The following SNTG1 variants were observed in gnomAD, a reference collection of about 807,000 sequenced individuals.
SNTG1 encodes syntrophin gamma 1, also known as gamma-1-syntrophin.
Under a neutral mutation model 74.7 loss-of-function variants are expected in SNTG1, and 39 were observed. That is an observed-to-expected ratio of 0.52 (90% CI 0.40 to 0.68). SNTG1 has a LOEUF of 0.68. SNTG1 is among the 30% of genes least tolerant of loss of function. The pLI is 0.00. For synonymous variants in SNTG1, 254 were observed against 217.1 expected (o/e 1.17, Z -1.49); for missense variants, 685 against 609.5 (o/e 1.12, Z -1.30).
chr8:50,038,284 TGTG>T (rs2130798575), intron 1 of SNTG1, among the ~76,000 whole-genome samples: 1 of 152,218 alleles, frequency 6.6e-6, no homozygotes, highest in South Asian at 2.1e-4. Flanking sequence ...TAATCGTAGA[TGTG>T]TACTGCAGAA....
chr8:50,356,949 G>C (rs1416458780), intron 2 of SNTG1, among the ~76,000 whole-genome samples: 1 of 152,200 alleles, frequency 6.6e-6, no homozygotes, highest in Non-Finnish European at 1.5e-5. Context: ...TCAATGAGCT[G>C]GACATGGGTT....
chr8:50,348,770 C>T (rs938123590), intron 2 of SNTG1, among the ~76,000 whole-genome samples: 1 of 152,162 alleles, frequency 6.6e-6, no homozygotes, highest in Non-Finnish European at 1.5e-5. Flanking sequence ...TGATTTTTCC[C>T]CTTCTAGGGA....
At chr8:50,465,742 G>C (rs551582166) in intron 8 of SNTG1, among the ~76,000 whole-genome samples, 1 of 152,080 alleles carries the variant, frequency 6.6e-6, no homozygotes, top group Non-Finnish European at 1.5e-5. Context: ...TTAGCAAGGT[G>C]CATTTAAGAT....
At chr8:50,032,374 A>G (rs775264586) in intron 1 of SNTG1, among the ~76,000 whole-genome samples, 23 of 151,572 alleles carry the variant, frequency 1.5e-4, no homozygotes, top group Non-Finnish European at 2.5e-4. Flanking sequence ...GAGATGGCAG[A>G]TTAGATTTTT....
chr8:50,650,210 A>T (rs533370486), intron 13 of SNTG1, among the ~76,000 whole-genome samples: 1 of 152,236 alleles, frequency 6.6e-6, no homozygotes, highest in African/African-American at 2.4e-5. Flanking sequence ...TCATGAATAC[A>T]TGTTGAATTT....
At chr8:50,004,058 C>T (rs770842716) in intron 1 of SNTG1, among the ~76,000 whole-genome samples, 25 of 152,024 alleles carry the variant, frequency 1.6e-4, no homozygotes, top group Non-Finnish European at 3.1e-4. Context: ...CATGTATATA[C>T]GGGGATCAGG....
At chr8:50,472,016 G>GA (rs1283806096) in intron 8 of SNTG1, among the ~76,000 whole-genome samples, 4 of 151,964 alleles carry the variant, frequency 2.6e-5, no homozygotes, top group Non-Finnish European at 5.9e-5. Context: ...TTTTTACATA[G>GA]AAAACTCAAA....
intron 1 of SNTG1, among the ~76,000 whole-genome samples, chr8:49,932,015 G>T (rs1807637960): frequency 2.6e-5 from 4 of 152,132 alleles, no homozygotes; most frequent in Admixed American, 2.0e-4. Flanking sequence ...TTTATGCATT[G>T]TGTGTGCTTA....
intron 13 of SNTG1, among the ~76,000 whole-genome samples, chr8:50,604,193 C>G (rs577600101): frequency 6.6e-6 from 1 of 152,216 alleles, no homozygotes; most frequent in Non-Finnish European, 1.5e-5. Flanking sequence ...CTGAGGCAGG[C>G]AGATCACTTT....
chr8:50,413,823 T>C (rs2092981219), intron 4 of SNTG1, among the ~76,000 whole-genome samples: 1 of 152,174 alleles, frequency 6.6e-6, no homozygotes, highest in Non-Finnish European at 1.5e-5. Flanking sequence ...TCACTATCTC[T>C]CTCTTTGGTT....
intron 18 of SNTG1, among the ~76,000 whole-genome samples, chr8:50,792,308 T>G (rs546183515): frequency 3.9e-5 from 6 of 152,014 alleles, no homozygotes; most frequent in African/African-American, 1.2e-4. Context: ...ATATTTATCA[T>G]CTGATGTGTG....
At chr8:50,215,972 T>G (rs1266541531) in intron 2 of SNTG1, among the ~76,000 whole-genome samples, 1 of 152,176 alleles carries the variant, frequency 6.6e-6, no homozygotes, top group Non-Finnish European at 1.5e-5. Context: ...TATCAAGATT[T>G]ATTGTAAAAT....
At chr8:50,340,678 G>C (rs2091290328) in intron 2 of SNTG1, among the ~76,000 whole-genome samples, 1 of 151,786 alleles carries the variant, frequency 6.6e-6, no homozygotes, top group African/African-American at 2.4e-5. Context: ...ATGAGTTTAT[G>C]GATACAATAC....
At chr8:50,322,577 T>C (rs1016719309) in intron 2 of SNTG1, among the ~76,000 whole-genome samples, 6 of 152,200 alleles carry the variant, frequency 3.9e-5, no homozygotes, top group African/African-American at 1.2e-4. Flanking sequence ...TATATTTCTC[T>C]AGGTTTGGAA....
At chr8:50,787,624 G>A (rs1205087191) in intron 18 of SNTG1, among the ~76,000 whole-genome samples, 2 of 151,982 alleles carry the variant, frequency 1.3e-5, no homozygotes, top group African/African-American at 4.8e-5. Flanking sequence ...GGTGATGAAT[G>A]GGGAGGAAGA....
intron 1 of SNTG1, among the ~76,000 whole-genome samples, chr8:50,085,479 G>A (rs951337887): frequency 4.6e-5 from 7 of 152,150 alleles, no homozygotes; most frequent in Non-Finnish European, 1.0e-4. Flanking sequence ...AGAGCTTAAG[G>A]ATTTGAAGAT....
intron 1 of SNTG1, among the ~76,000 whole-genome samples, chr8:50,149,238 GTTTGTT>G (rs1332253584): frequency 6.6e-6 from 1 of 152,142 alleles, no homozygotes; most frequent in Non-Finnish European, 1.5e-5. Flanking sequence ...TGATGGGGTT[GTTTGTT>G]TTTTTCTCGT....
intron 1 of SNTG1, among the ~76,000 whole-genome samples, chr8:50,033,161 G>T (rs1817876386): frequency 6.6e-6 from 1 of 151,806 alleles, no homozygotes; most frequent in Non-Finnish European, 1.5e-5. Flanking sequence ...TGTTGCCCGG[G>T]TTGGAGTGCA....
intron 2 of SNTG1, among the ~76,000 whole-genome samples, chr8:50,338,823 T>C (rs2091233060): frequency 6.6e-6 from 1 of 152,046 alleles, no homozygotes; most frequent in Non-Finnish European, 1.5e-5. Flanking sequence ...GTAATGGGAA[T>C]ACCAGAAGAA....
Sources: allele counts gnomAD v4.1 joint callset (sites outside exome capture counted in the v4.1 genomes callset), GRCh38; gene constraint gnomAD v4.1.1; transcripts MANE v1.5; gene names NCBI Gene and HGNC (gene_info 2026-07-23, HGNC 2026-07-21).